Variants in SNX29 observed in about 807,000 individuals in gnomAD.
SNX29 encodes the protein sorting nexin-29.
SNX29 carries 78 observed loss-of-function variants against 102.1 expected under a neutral mutation model. The observed-to-expected ratio is 0.76, with a 90% CI of 0.64 to 0.92. SNX29 has a LOEUF of 0.92. Ranked by LOEUF, SNX29 falls within the 40% of genes least tolerant of loss-of-function variation. The pLI, the probability that SNX29 is intolerant of heterozygous loss-of-function variation, is 0.00. For synonymous variants in SNX29, 580 were observed against 414.5 expected, an observed-to-expected ratio of 1.40 and a Z score of -4.85; for missense variants, 1,280 against 1,061.7, an observed-to-expected ratio of 1.21 and a Z score of -2.86.
chr16:12,345,127 C>T (rs998008393), intron 15 of SNX29, among the ~76,000 whole-genome samples: 2 of 152,200 alleles, frequency 1.3e-5, no homozygotes, highest in African/African-American at 4.8e-5. Context: ...TGGCAGTGAT[C>T]TCCAGTAACA....
At chr16:12,497,636 T>C (rs1323787037) in intron 19 of SNX29, among the ~76,000 whole-genome samples, 1 of 152,226 alleles carries the variant, frequency 6.6e-6, no homozygotes, top group African/African-American at 2.4e-5. Context: ...ACATGAGAAA[T>C]CAGCTGAGTC....
At chr16:12,020,690 C>G (rs2056992088) in intron 3 of SNX29, among the ~76,000 whole-genome samples, 1 of 150,460 alleles carries the variant, frequency 6.6e-6, no homozygotes, top group Non-Finnish European at 1.5e-5. Context: ...GTGGTGCCAT[C>G]TCGGCTCACT....
chr16:12,134,043 T>G (rs1015778702), intron 13 of SNX29, among the ~76,000 whole-genome samples: 2 of 152,234 alleles, frequency 1.3e-5, no homozygotes, highest in Admixed American at 1.3e-4. Context: ...GGCAGAGGCA[T>G]AATAATCATT....
At chr16:12,289,591 C>T (rs2079725212) in intron 15 of SNX29, among the ~76,000 whole-genome samples, 1 of 152,170 alleles carries the variant, frequency 6.6e-6, no homozygotes, top group Non-Finnish European at 1.5e-5. Flanking sequence ...AGCCTCATTT[C>T]CAGTTGTGCC....
In SNX29 at chr16:12,572,734, G is replaced by A. The variant is rs2079214233; in HGVS notation, c.*4105G>A. The stretch of plus-strand genomic sequence containing the variant: ...GCCTTGGCACAGAACTGATGGCAAA[G>A]GAAGGGCTGGGTTTTCAGCTTCTGG... On this transcript the variant is annotated 3_prime_UTR_variant, in exon 21 of 21. Transcript: ENST00000566228. The A allele has an allele frequency of 4.7e-6, 5 of 1,063,896 alleles. No homozygotes were observed. Among genetic ancestry groups the A allele is most frequent in the Non-Finnish European group, 3.4e-6 (3 of 878,494 alleles). The allele number at this position is 1,063,896 out of a possible 1,614,324, so 65.9% of individuals were successfully genotyped here.
At chr16:12,025,314 A>G (rs2057158569) in intron 3 of SNX29, among the ~76,000 whole-genome samples, 1 of 151,194 alleles carries the variant, frequency 6.6e-6, no homozygotes, top group African/African-American at 2.4e-5. Flanking sequence ...AAAAAAAAAA[A>G]AAAAAAAAAA....
At chr16:12,364,893 C>A (rs2082416448) in intron 16 of SNX29, among the ~76,000 whole-genome samples, 1 of 152,196 alleles carries the variant, frequency 6.6e-6, no homozygotes, top group Admixed American at 6.5e-5. Flanking sequence ...TCCGCTCTCT[C>A]ACTTGTCCCT....
At chr16:12,033,053 C>T (rs2057386749) in intron 4 of SNX29, among the ~76,000 whole-genome samples, 1 of 151,920 alleles carries the variant, frequency 6.6e-6, no homozygotes, top group Non-Finnish European at 1.5e-5. Flanking sequence ...CAGGGTTTCA[C>T]CACGTTGGCC....
chr16:12,492,165 G>A (rs943911514), intron 19 of SNX29, among the ~76,000 whole-genome samples: 32 of 152,146 alleles, frequency 2.1e-4, no homozygotes, highest in Admixed American at 9.8e-4. Flanking sequence ...AAGTGTTCCT[G>A]TTTCTCCACA....
intron 14 of SNX29, among the ~76,000 whole-genome samples, chr16:12,246,090 C>T (rs2078252544): frequency 6.6e-6 from 1 of 152,194 alleles, no homozygotes; most frequent in African/African-American, 2.4e-5. Context: ...TCTGTTATTA[C>T]TTCCCACATA....
At chr16:12,419,360 A>G (rs954414653) in intron 18 of SNX29, among the ~76,000 whole-genome samples, 2 of 152,194 alleles carry the variant, frequency 1.3e-5, no homozygotes, top group South Asian at 2.1e-4. Context: ...GGCTCCTCCA[A>G]TGGGGACAGT....
intron 19 of SNX29, among the ~76,000 whole-genome samples, chr16:12,502,135 C>T (rs2089156028): frequency 6.6e-6 from 1 of 152,148 alleles, no homozygotes; most frequent in Admixed American, 6.5e-5. Flanking sequence ...TCCAGATGTG[C>T]GAGACTTGGA....
intron 13 of SNX29, among the ~76,000 whole-genome samples, chr16:12,154,325 C>T (rs2055435474): frequency 6.7e-6 from 1 of 149,282 alleles, no homozygotes; most frequent in Non-Finnish European, 1.5e-5. Context: ...TTTTCTAGGG[C>T]AGGCTGTCCC....
At chr16:12,457,748 TTGTA>T (rs2086601853) in intron 18 of SNX29, among the ~76,000 whole-genome samples, 2 of 152,322 alleles carry the variant, frequency 1.3e-5, no homozygotes, top group Admixed American at 1.3e-4. Context: ...CAGCCCCATC[TTGTA>T]TGTGAGGAAA....
intron 18 of SNX29, among the ~76,000 whole-genome samples, chr16:12,428,439 G>C (rs1356245241): frequency 2.0e-5 from 3 of 151,912 alleles, no homozygotes; most frequent in Non-Finnish European, 4.4e-5. Flanking sequence ...AATGCTAAAA[G>C]TAGTACATCT....
At chr16:12,414,972 C>T (rs2084566524) in intron 18 of SNX29, among the ~76,000 whole-genome samples, 1 of 152,212 alleles carries the variant, frequency 6.6e-6, no homozygotes, top group Non-Finnish European at 1.5e-5. Context: ...ATCCACCTGC[C>T]TCAGCCTCCC....
intron 17 of SNX29, among the ~76,000 whole-genome samples, chr16:12,403,202 ATGTGTGTGTGTGTG>A (rs67193889): frequency 7.6e-4 from 54 of 70,942 alleles, no homozygotes; most frequent in South Asian, 3.4e-3. Context: ...TTGTGTGTGT[ATGTGTGTGTGTGTG>A]TGTGTGTGTG....
At chr16:12,370,736 C>T (rs890170627) in intron 16 of SNX29, among the ~76,000 whole-genome samples, 7 of 152,128 alleles carry the variant, frequency 4.6e-5, no homozygotes, top group African/African-American at 1.4e-4. Flanking sequence ...AATGCTGTTT[C>T]GCTGTGTGTT....
At chr16:12,374,182 T>C (rs929557390) in intron 16 of SNX29, among the ~76,000 whole-genome samples, 2 of 152,222 alleles carry the variant, frequency 1.3e-5, no homozygotes, top group Admixed American at 6.5e-5. Flanking sequence ...TTCACCTATT[T>C]ATTCATTGGA....
Sources: allele counts gnomAD v4.1 joint callset (sites outside exome capture counted in the v4.1 genomes callset), GRCh38; gene constraint gnomAD v4.1.1; transcripts MANE v1.5; gene names NCBI Gene and HGNC (gene_info 2026-07-23, HGNC 2026-07-21).